Variants in KHDRBS2 observed in about 807,000 individuals in gnomAD.
The protein encoded by KHDRBS2 is KH domain-containing, RNA-binding, signal transduction-associated protein 2.
A neutral mutation model predicts 44.3 loss-of-function variants in KHDRBS2; 26 were observed. The observed-to-expected ratio is 0.59, with a 90% CI of 0.43 to 0.81. The LOEUF (loss-of-function observed/expected upper bound fraction) is 0.81. KHDRBS2 is among the 40% of genes least tolerant of loss of function. KHDRBS2 has a pLI of 0.00. For synonymous variants in KHDRBS2, 194 were observed against 151.1 expected (o/e 1.28, Z -2.08); for missense variants, 476 against 433.1 (o/e 1.10, Z -0.88).
chr6:61,992,923 C>G (rs1776406411), intron 3 of KHDRBS2, among the ~76,000 whole-genome samples: 1 of 152,030 alleles, frequency 6.6e-6, no homozygotes, highest in Non-Finnish European at 1.5e-5. Context: ...CTCCTAGCAC[C>G]AGAGATGCCT....
chr6:62,212,962 T>C (rs141534356), intron 1 of KHDRBS2, among the ~76,000 whole-genome samples: 2 of 152,226 alleles, frequency 1.3e-5, no homozygotes, highest in East Asian at 1.9e-4. Flanking sequence ...GATTTAGATA[T>C]ATGAATAAAG....
At chr6:62,133,699 G>A (rs1464593184) in intron 2 of KHDRBS2, among the ~76,000 whole-genome samples, 1 of 152,142 alleles carries the variant, frequency 6.6e-6, no homozygotes, top group Non-Finnish European at 1.5e-5. Context: ...CTTGTTAAAT[G>A]GCTTTAACCA....
At chr6:62,063,659 C>A (rs1400678913) in intron 2 of KHDRBS2, among the ~76,000 whole-genome samples, 2 of 146,178 alleles carry the variant, frequency 1.4e-5, no homozygotes, top group African/African-American at 5.1e-5. Flanking sequence ...TATGACAAAC[C>A]CACAGCCAAT....
At chr6:61,559,602 A>T in the KHDRBS2 span, among the ~76,000 whole-genome samples, 1 of 152,150 alleles carries the variant, frequency 6.6e-6, no homozygotes, top group Admixed American at 6.5e-5. Context: ...TGAAGTAACC[A>T]TGAAGCTTGC....
At chr6:61,555,805 C>A in the KHDRBS2 span, among the ~76,000 whole-genome samples, 1 of 152,178 alleles carries the variant, frequency 6.6e-6, no homozygotes, top group Non-Finnish European at 1.5e-5. Context: ...CAGATCAACA[C>A]TCCTGGGCTA....
At chr6:62,007,739 C>T (rs536528085) in intron 3 of KHDRBS2, among the ~76,000 whole-genome samples, 56 of 152,010 alleles carry the variant, frequency 3.7e-4, no homozygotes, top group African/African-American at 1.2e-3. Flanking sequence ...GTATAGTCAA[C>T]GAGGAGGCTT....
the KHDRBS2 span, among the ~76,000 whole-genome samples, chr6:61,586,020 G>A: frequency 6.6e-6 from 1 of 152,108 alleles, no homozygotes; most frequent in East Asian, 1.9e-4. Flanking sequence ...GTTGATGGTG[G>A]AGCCAACACT....
At chr6:61,756,259 A>T (rs1396478751) in intron 6 of KHDRBS2, among the ~76,000 whole-genome samples, 1 of 150,872 alleles carries the variant, frequency 6.6e-6, no homozygotes, top group Non-Finnish European at 1.5e-5. Context: ...TTATTTAATT[A>T]ATTTATTTTT....
intron 4 of KHDRBS2, among the ~76,000 whole-genome samples, chr6:61,950,291 T>A (rs1764477041): frequency 6.6e-6 from 1 of 152,078 alleles, no homozygotes; most frequent in African/African-American, 2.4e-5. Flanking sequence ...TTCAATATAT[T>A]ACTTTGGTGT....
intron 3 of KHDRBS2, among the ~76,000 whole-genome samples, chr6:62,005,018 A>C (rs1051350615): frequency 6.6e-6 from 1 of 152,144 alleles, no homozygotes; most frequent in Non-Finnish European, 1.5e-5. Flanking sequence ...TTCATGATTG[A>C]GAATCCTAGT....
chr6:62,262,437 T>C (rs1285385327), intron 1 of KHDRBS2, among the ~76,000 whole-genome samples: 1 of 151,778 alleles, frequency 6.6e-6, no homozygotes, highest in Non-Finnish European at 1.5e-5. Flanking sequence ...AGCCAAACCA[T>C]TTGAGGTTAT....
intron 4 of KHDRBS2, among the ~76,000 whole-genome samples, chr6:61,962,306 G>T (rs2127393901): frequency 6.6e-6 from 1 of 152,170 alleles, no homozygotes; most frequent in Non-Finnish European, 1.5e-5. Flanking sequence ...GACTTCTCTT[G>T]ATCAGCTTGT....
At chr6:61,750,392 G>GT (rs1234203311) in intron 6 of KHDRBS2, among the ~76,000 whole-genome samples, 1 of 152,180 alleles carries the variant, frequency 6.6e-6, no homozygotes, top group African/African-American at 2.4e-5. Flanking sequence ...AGCCTATGGG[G>GT]TTCAGGCTGT....
At chr6:62,049,962 A>G (rs1253742511) in intron 2 of KHDRBS2, among the ~76,000 whole-genome samples, 2 of 152,126 alleles carry the variant, frequency 1.3e-5, no homozygotes, top group Non-Finnish European at 2.9e-5. Context: ...AGATCTACAA[A>G]GCATTCTACT....
chr6:62,079,111 A>C (rs1174007115), intron 2 of KHDRBS2, among the ~76,000 whole-genome samples: 1 of 152,008 alleles, frequency 6.6e-6, no homozygotes, highest in African/African-American at 2.4e-5. Flanking sequence ...ACAATAATTC[A>C]CCATGATCCA....
chr6:62,154,060 A>G (rs1815834207), intron 2 of KHDRBS2, among the ~76,000 whole-genome samples: 1 of 152,196 alleles, frequency 6.6e-6, no homozygotes, highest in Non-Finnish European at 1.5e-5. Flanking sequence ...TCTTGGTAGT[A>G]TATGATCACA....
chr6:61,968,903 T>C (rs1224170347), intron 4 of KHDRBS2, among the ~76,000 whole-genome samples: 4 of 152,022 alleles, frequency 2.6e-5, no homozygotes, highest in Non-Finnish European at 5.9e-5. Flanking sequence ...TTTGGAGCTC[T>C]GTGGCTTCTG....
At chr6:62,256,731 A>G (rs967787450) in intron 1 of KHDRBS2, among the ~76,000 whole-genome samples, 1 of 152,088 alleles carries the variant, frequency 6.6e-6, no homozygotes, top group Non-Finnish European at 1.5e-5. Context: ...TTGTTACTCC[A>G]GTAGTCAGGG....
the KHDRBS2 span, among the ~76,000 whole-genome samples, chr6:61,572,470 A>AGCCAGTATCACCCAAATACAAAACCAG: frequency 2.6e-5 from 4 of 152,138 alleles, no homozygotes; most frequent in Non-Finnish European, 5.9e-5. Flanking sequence ...AATTCTATAG[A>AGCCAGTATCACCCAAATACAAAACCAG]GCCAGTATCA....
Sources: gnomAD v4.1 joint callset for allele counts (sites outside exome capture counted in the v4.1 genomes callset) on GRCh38, gnomAD v4.1.1 for gene constraint, MANE v1.5 for transcripts, NCBI Gene and HGNC (gene_info 2026-07-23, HGNC 2026-07-21) for gene names.